Variants in PHLPP2 observed in about 807,000 individuals in gnomAD.
PHLPP2 encodes the protein PH domain and leucine rich repeat protein phosphatase 2, also known as PH domain leucine-rich repeat-containing protein phosphatase 2.
PHLPP2 carries 66 observed loss-of-function variants against 124.9 expected under a neutral mutation model. The ratio of observed to expected loss-of-function variants is 0.53; its 90% confidence interval spans 0.43 to 0.65. PHLPP2 has a LOEUF of 0.65. Among genes scored for constraint, PHLPP2 ranks in the 30% least tolerant of loss-of-function variants. The pLI is 0.00. For missense variants in PHLPP2, 1,685 were observed against 1,600.4 expected, an observed-to-expected ratio of 1.05 and a Z score of -0.90; for synonymous variants, 681 against 624.7, an observed-to-expected ratio of 1.09 and a Z score of -1.34.
intron 11 of PHLPP2, among the ~76,000 whole-genome samples, 181 bp from the exon 12 acceptor site, chr16:71,667,514 CCA>C (rs2044850000): frequency 6.6e-6 from 1 of 152,100 alleles, no homozygotes; most frequent in Non-Finnish European, 1.5e-5. Context: ...TACCTACCAC[CCA>C]CCAGGAAGTC....
chr16:71,671,765 T>C (rs2044895286), intron 10 of PHLPP2, among the ~76,000 whole-genome samples: 1 of 151,602 alleles, frequency 6.6e-6, no homozygotes, highest in Non-Finnish European at 1.5e-5. Flanking sequence ...AAACAAAAAA[T>C]TAGCCAGGCG....
chr16:71,664,767 A>T (rs564235273), intron 12 of PHLPP2, among the ~76,000 whole-genome samples: 67 of 151,988 alleles, frequency 4.4e-4, no homozygotes, highest in African/African-American at 1.2e-3. Context: ...GAAAAAAAAA[A>T]TTTTTTTGTC....
At chr16:71,711,346 G>A (rs896117799) in intron 2 of PHLPP2, among the ~76,000 whole-genome samples, 1 of 150,984 alleles carries the variant, frequency 6.6e-6, no homozygotes, top group Non-Finnish European at 1.5e-5. Context: ...AAAAAAAAAG[G>A]AATTAAGATG....
intron 5 of PHLPP2, 55 bp from the exon 6 acceptor site, chr16:71,681,960 C>T: frequency 2.3e-6 from 3 of 1,316,618 alleles, no homozygotes; most frequent in Non-Finnish European, 3.0e-6. Context: ...GTCTATCACC[C>T]AGCAAAGAAT....
intron 5 of PHLPP2, 104 bp from the exon 6 acceptor site, chr16:71,682,009 T>G (rs567830248): frequency 1.1e-5 from 8 of 712,692 alleles, no homozygotes; most frequent in Non-Finnish European, 1.5e-5. Context: ...ATTAAAAAGA[T>G]AGGAAAAAAA....
chr16:71,647,010 C>G lies in PHLPP2; in HGVS notation c.*1880G>C, dbSNP rs1046053468. On this transcript the variant is annotated 3_prime_UTR_variant, in exon 19 of 19. Transcript: ENST00000568954. Reference sequence around the variant, plus strand: ...CACATAATTATTATGGACAGGTCATCTGATTTTGACTATTGCTTTGAACAA... The same window carrying G: ...CACATAATTATTATGGACAGGTCATGTGATTTTGACTATTGCTTTGAACAA... 1 of 152,564 alleles carries G rather than the reference C, an allele frequency of 6.6e-6. No homozygotes were observed. The highest frequency in any genetic ancestry group is 2.4e-5 in the African/African-American group (1 of 41,438). The allele number at this position is 152,564 out of a possible 1,614,324, so 9.5% of individuals were successfully genotyped here.
intron 4 of PHLPP2, among the ~76,000 whole-genome samples, chr16:71,687,246 T>G (rs1304656688): frequency 1.3e-5 from 2 of 152,290 alleles, no homozygotes; most frequent in East Asian, 3.9e-4. Flanking sequence ...TTTGGCCCAG[T>G]TTTTTAATGG....
chr16:71,644,963 AT>A lies in PHLPP2; in HGVS notation c.*3926del. ...CATGAAAAAGATTCCACTTTATTTT[AT>A]TTATTATTGTTATTGTTATTTTTAC... On this transcript the variant is annotated 3_prime_UTR_variant, in exon 19 of 19. Transcript: ENST00000568954. 3.2e-6 allele frequency: 1 copy of A among 308,464 alleles called. No homozygotes were observed. Among genetic ancestry groups the A allele is most frequent in the Non-Finnish European group, 6.4e-6 (1 of 156,820 alleles). The allele number at this position is 308,464 out of a possible 1,614,324, so 19.1% of individuals were successfully genotyped here.
In PHLPP2 at chr16:71,679,491, C is replaced by A; in HGVS notation, c.935G>T (p.Gly312Val). Reference sequence around the variant, plus strand: ...CTCGCATAACAATATAGGAAACAACCCAAGTTTATTATGGGACAAGTTCAG... The same window carrying A: ...CTCGCATAACAATATAGGAAACAACACAAGTTTATTATGGGACAAGTTCAG... ...KGLNLSHNKLGLFPILLCEIS... is the reference protein window; with the variant it reads ...KGLNLSHNKLVLFPILLCEIS... The change falls in exon 7 of 19, where the codon GGG becomes GTG. Residue 312 changes from glycine to valine, a missense_variant. Transcript: ENST00000568954. 6.2e-7 allele frequency: 1 copy of A among 1,613,562 alleles called. No homozygotes were observed.
chr16:71,696,193 G>A (rs1351835881), intron 3 of PHLPP2, among the ~76,000 whole-genome samples: 4 of 152,278 alleles, frequency 2.6e-5, no homozygotes, highest in African/African-American at 7.2e-5. Flanking sequence ...CTTTAAATAT[G>A]CAAATTAACA....
intron 8 of PHLPP2, chr16:71,676,935 G>GA: frequency 2.8e-6 from 1 of 355,756 alleles, no homozygotes; most frequent in South Asian, 2.5e-5. Flanking sequence ...TTTTAGTAGA[G>GA]CTGGGGTTTC....
At chr16:71,655,652 GC>G (rs1448469447) in intron 16 of PHLPP2, among the ~76,000 whole-genome samples, 1 of 151,948 alleles carries the variant, frequency 6.6e-6, no homozygotes, top group African/African-American at 2.4e-5. Context: ...ACAGGTGCCT[GC>G]CACCACGCTG....
intron 6 of PHLPP2, among the ~76,000 whole-genome samples, chr16:71,681,276 A>G (rs2044994837): frequency 6.6e-6 from 1 of 152,196 alleles, no homozygotes; most frequent in Non-Finnish European, 1.5e-5. Flanking sequence ...AGGTCATAGT[A>G]CTGTAGGGCT....
At chr16:71,654,172 G>A (rs1460996428) in intron 17 of PHLPP2, among the ~76,000 whole-genome samples, 3 of 148,744 alleles carry the variant, frequency 2.0e-5, no homozygotes, top group African/African-American at 7.5e-5. Flanking sequence ...TCCAGCCTGG[G>A]GGACAGAGCA....
chr16:71,679,803 C>T (rs1014099926), intron 6 of PHLPP2, among the ~76,000 whole-genome samples: 4 of 152,132 alleles, frequency 2.6e-5, no homozygotes, highest in African/African-American at 9.7e-5. Flanking sequence ...ACAATCTTGG[C>T]CGGATGCAGT....
At chr16:71,665,426 T>C (rs2044830179) in intron 12 of PHLPP2, among the ~76,000 whole-genome samples, 1 of 152,216 alleles carries the variant, frequency 6.6e-6, no homozygotes, top group Non-Finnish European at 1.5e-5. Flanking sequence ...AGATAAAACA[T>C]GGTATAATTT....
chr16:71,674,918 A>G (rs1192970212), intron 9 of PHLPP2, among the ~76,000 whole-genome samples: 1 of 152,162 alleles, frequency 6.6e-6, no homozygotes, highest in African/African-American at 2.4e-5. Context: ...AATCGCTTGA[A>G]CCTGGGCAGC....
chr16:71,703,942 A>G (rs2045254020), intron 2 of PHLPP2, among the ~76,000 whole-genome samples: 1 of 152,204 alleles, frequency 6.6e-6, no homozygotes, highest in Admixed American at 6.5e-5. Context: ...CATCTCAAAC[A>G]ACAACCAAAA....
At chr16:71,708,077 CT>C (rs1597016298) in intron 2 of PHLPP2, among the ~76,000 whole-genome samples, 2 of 152,210 alleles carry the variant, frequency 1.3e-5, no homozygotes, top group African/African-American at 2.4e-5. Flanking sequence ...CACGCCGCCC[CT>C]AATCCTGCTC....
Sources: allele counts gnomAD v4.1 joint callset (sites outside exome capture counted in the v4.1 genomes callset), GRCh38; gene constraint gnomAD v4.1.1; transcripts MANE v1.5; gene names NCBI Gene and HGNC (gene_info 2026-07-23, HGNC 2026-07-21).